The following ZHX3 variants were observed in gnomAD, a reference collection of about 807,000 sequenced individuals.
ZHX3 encodes the protein zinc fingers and homeoboxes protein 3.
In ZHX3, 20 loss-of-function variants were observed where a neutral mutation model predicts 64.5. The observed-to-expected ratio is 0.31, with a 90% CI of 0.22 to 0.45. ZHX3 has a LOEUF of 0.45. Ranked by LOEUF, ZHX3 falls within the 20% of genes least tolerant of loss-of-function variation. ZHX3 has a pLI of 1.00. For missense variants in ZHX3, 1,041 were observed against 1,195.8 expected (o/e 0.87, Z 1.91); for synonymous variants, 423 against 461.6 (o/e 0.92, Z 1.07).
chr20:41,190,005 G>T (rs1555823693), intron 3 of ZHX3, among the ~76,000 whole-genome samples: 1 of 147,742 alleles, frequency 6.8e-6, no homozygotes, highest in Non-Finnish European at 1.5e-5. Context: ...TTTTCTGAGT[G>T]TTTTTTTTTT....
chr20:41,244,233 C>T (rs1015123395), intron 2 of ZHX3, among the ~76,000 whole-genome samples: 4 of 152,060 alleles, frequency 2.6e-5, no homozygotes, highest in African/African-American at 4.8e-5. Context: ...TGAAGATGTG[C>T]CAGAAACTGG....
In ZHX3 at chr20:41,204,066, T is replaced by C. The variant is rs779057999; in HGVS notation, c.851A>G (p.His284Arg). 4.3e-6 allele frequency: 7 copies of C among 1,612,264 alleles called. No individual in the cohort carries two copies. Among genetic ancestry groups the C allele is most frequent in the Non-Finnish European group, 5.9e-6 (7 of 1,179,082 alleles). ...LQQQPPVHAQ[H>R]HVHQPLPTAK... ...CGTGGGCAGTGGCTGGTGGACATGGTGTTGGGCATGCACTGGGGGCTGCTG... is the reference window on the plus strand; with the variant it reads ...CGTGGGCAGTGGCTGGTGGACATGGCGTTGGGCATGCACTGGGGGCTGCTG... The change falls in exon 3 of 4, where the codon CAC becomes CGC. Residue 284 changes from histidine to arginine, a missense_variant. Around this residue, in one of 4 missense-constraint regions of ZHX3, gnomAD observed 358 missense variants for 369.1 expected, o/e 0.97. Coordinates refer to ENST00000683867, the MANE Select transcript of ZHX3 (RefSeq NM_001384317.1). This position sits in a 1 kb window ranked among gnomAD's most constrained non-coding sequence, Gnocchi z 6.6.
chr20:41,218,216 A>G (rs966317491), intron 2 of ZHX3, among the ~76,000 whole-genome samples: 1 of 151,804 alleles, frequency 6.6e-6, no homozygotes, highest in Non-Finnish European at 1.5e-5. Flanking sequence ...GGCCAAGGAG[A>G]CAGGATTGCC....
In ZHX3 at chr20:41,219,180, C is replaced by T. The variant is rs1335832017; in HGVS notation, c.-150-14114G>A. Among the ~76,000 whole-genome samples, 1 of 152,106 alleles carries T rather than the reference C, an allele frequency of 6.6e-6. No individual in the cohort carries two copies. The highest frequency in any genetic ancestry group is 2.4e-5 in the African/African-American group (1 of 41,424). ...TCCTGACCTCGTGATCCACACGCCT[C>T]CGCCTCCCAAAGTGCTGGGATTACA... On this transcript the variant is annotated intron_variant, in intron 2 of 3. Transcript: ENST00000683867. The surrounding 1 kb of genome is among the most constrained non-coding windows in gnomAD (Gnocchi z 5.0).
At chr20:41,313,382 T>C (rs943573622) in intron 1 of ZHX3, among the ~76,000 whole-genome samples, 2 of 152,026 alleles carry the variant, frequency 1.3e-5, no homozygotes, top group African/African-American at 4.8e-5. Context: ...TCTAGGGTCC[T>C]GGGAATTGAT....
chr20:41,219,055 A>G lies in ZHX3; in HGVS notation c.-150-13989T>C, dbSNP rs373782682. ...CGCCACTCTCCTGCCTCAGCCTCCC[A>G]AGTAGCTGGGACTACATGTGTCTGC... On this transcript the variant is annotated intron_variant, in intron 2 of 3. Transcript: ENST00000683867. The surrounding 1 kb of genome is among the most constrained non-coding windows in gnomAD (Gnocchi z 5.0). Among the ~76,000 whole-genome samples the G allele has an allele frequency of 5.2e-4, 77 of 147,606 alleles. 1 individual carries two copies. Among genetic ancestry groups the G allele is most frequent in the East Asian group, 5.0e-3 (25 of 4,976 alleles).
rs570486325 is a variant in ZHX3, at chr20:41,237,504, A to C, written c.-151+31486T>G. Among the ~76,000 whole-genome samples the C allele has an allele frequency of 1.5e-4, 23 of 152,350 alleles. No individual in the cohort carries two copies. In the East Asian group the frequency reaches 2.9e-3, roughly 19 times the overall value. ...TGGAAACCATCATTCTCAGCAAACT[A>C]TCGCAAGGACAAAAAACCAAACACC... On this transcript the variant is annotated intron_variant, in intron 2 of 3. Transcript: ENST00000683867.
At position 41,212,862 on chromosome 20, in the gene ZHX3, GTATA is replaced by G. The variant is rs1336538652; in HGVS notation, c.-150-7800_-150-7797del. Among the ~76,000 whole-genome samples the G allele has an allele frequency of 2.0e-5, 3 of 150,194 alleles. No individual in the cohort carries two copies. The highest frequency in any genetic ancestry group is 7.3e-5 in the African/African-American group (3 of 40,968). On this transcript the variant is annotated intron_variant, in intron 2 of 3. Coordinates refer to ENST00000683867, the MANE Select transcript of ZHX3 (RefSeq NM_001384317.1). The surrounding 1 kb of genome is among the most constrained non-coding windows in gnomAD (Gnocchi z 4.3). ...AAAACACCAGCAATTTAATTCCTAA[GTATA>G]TACACAGTATAAATAAAAACATGTC...
chr20:41,309,563 T>C (rs776886687), intron 1 of ZHX3, among the ~76,000 whole-genome samples: 2 of 152,164 alleles, frequency 1.3e-5, no homozygotes, highest in Non-Finnish European at 2.9e-5. Context: ...CCTTCAGAAG[T>C]ATAATGAACC....
At chr20:41,266,158 A>G (rs1239929655) in intron 2 of ZHX3, among the ~76,000 whole-genome samples, 1 of 152,230 alleles carries the variant, frequency 6.6e-6, no homozygotes, top group East Asian at 1.9e-4. Context: ...ATGTGCCTCT[A>G]AAAGTGAAAG....
intron 2 of ZHX3, among the ~76,000 whole-genome samples, chr20:41,218,493 A>ATTATGATCC (rs1448055543): frequency 6.6e-6 from 1 of 152,184 alleles, no homozygotes; most frequent in East Asian, 1.9e-4. Flanking sequence ...CTTGACAGTT[A>ATTATGATCC]TTATGATCCT....
At position 41,194,979 on chromosome 20, in the gene ZHX3, T is replaced by C. The variant is rs1177616231; in HGVS notation, c.2860+7078A>G. Among the ~76,000 whole-genome samples, 4 of 152,320 alleles carry C rather than the reference T, an allele frequency of 2.6e-5. No individual in the cohort carries two copies. The East Asian group carries it at 7.7e-4, about 29-fold the overall frequency. ...TTATTTAAAGGTTTGTCAATTTTGT[T>C]TTTTCAAGAACCAACTTTTGGTTTC... On this transcript the variant is annotated intron_variant, in intron 3 of 3. Transcript: ENST00000683867.
At chr20:41,282,867 C>A (rs1427383459) in intron 1 of ZHX3, among the ~76,000 whole-genome samples, 7 of 152,164 alleles carry the variant, frequency 4.6e-5, no homozygotes, top group Admixed American at 1.3e-4. Context: ...ACTAAAAATT[C>A]ACTGCATAAC....
intron 1 of ZHX3, among the ~76,000 whole-genome samples, chr20:41,310,108 C>G (rs546728252): frequency 6.6e-6 from 1 of 152,300 alleles, no homozygotes; most frequent in East Asian, 1.9e-4. Context: ...TGGCCAATAT[C>G]CCAGTTCCTC....
intron 3 of ZHX3, chr20:41,196,760 G>A: frequency 5.6e-6 from 1 of 177,952 alleles, no homozygotes; most frequent in Non-Finnish European, 1.2e-5. Flanking sequence ...AGAAGGCAGT[G>A]CTGAAAGGCA....
rs539147738 is a variant in ZHX3, at chr20:41,211,379, T to G, written c.-150-6313A>C. ...GTAAATAAACACGGCTATTTTATGA[T>G]GAAAATAATTTTTAAAACTTTGAAG... On this transcript the variant is annotated intron_variant, in intron 2 of 3. Transcript: ENST00000683867. Among the ~76,000 whole-genome samples the G allele has an allele frequency of 4.6e-5, 7 of 152,270 alleles. No homozygotes were observed. In the South Asian group the frequency reaches 1.4e-3, roughly 32 times the overall value.
intron 1 of ZHX3, among the ~76,000 whole-genome samples, chr20:41,284,811 A>G (rs1468893950): frequency 1.3e-5 from 2 of 152,004 alleles, no homozygotes; most frequent in Non-Finnish European, 2.9e-5. Flanking sequence ...CTCATCCTCC[A>G]CCAAACTAAC....
At chr20:41,207,816 C>T (rs1417506844) in intron 2 of ZHX3, among the ~76,000 whole-genome samples, 2 of 152,126 alleles carry the variant, frequency 1.3e-5, no homozygotes, top group Middle Eastern at 3.2e-3. Context: ...CATTCAAAAG[C>T]TAGCAGAAGG....
intron 2 of ZHX3, among the ~76,000 whole-genome samples, chr20:41,230,807 T>C (rs551215327): frequency 9.2e-5 from 14 of 152,280 alleles, no homozygotes; most frequent in Non-Finnish European, 1.5e-4. Flanking sequence ...GCCTACTCCA[T>C]TATCAACATT....
Sources: gnomAD v4.1 joint callset for allele counts (sites outside exome capture counted in the v4.1 genomes callset) on GRCh38, gnomAD v4.1.1 for gene constraint, gnomAD v4.1.1 regional missense constraint, Gnocchi (gnomAD v3.1) non-coding constraint, MANE v1.5 for transcripts, NCBI Gene and HGNC (gene_info 2026-07-23, HGNC 2026-07-21) for gene names.